Variants in LRRC49 observed in about 807,000 individuals in gnomAD.
LRRC49 encodes the protein leucine rich repeat containing 49.
Under a neutral mutation model 83.3 loss-of-function variants are expected in LRRC49, and 50 were observed. The ratio of observed to expected loss-of-function variants is 0.60; its 90% CI spans 0.48 to 0.76. The LOEUF (loss-of-function observed/expected upper bound fraction) is 0.76, where lower values mean the gene tolerates loss of function less well. Ranked by LOEUF, LRRC49 falls within the 30% of genes least tolerant of loss-of-function variation. LRRC49 has a pLI of 0.00. For synonymous variants in LRRC49, 286 were observed against 283.3 expected, an observed-to-expected ratio of 1.01 and a Z score of -0.10; for missense variants, 704 against 809.1, an observed-to-expected ratio of 0.87 and a Z score of 1.58.
chr15:70,917,076 A>T (rs956118306), intron 6 of LRRC49, among the ~76,000 whole-genome samples: 2 of 152,222 alleles, frequency 1.3e-5, no homozygotes, highest in African/African-American at 4.8e-5. Context: ...TGCTTGGGGC[A>T]GTGCTTACAC....
At chr15:70,934,800 C>T (rs2035540949) in intron 7 of LRRC49, among the ~76,000 whole-genome samples, 1 of 152,202 alleles carries the variant, frequency 6.6e-6, no homozygotes, top group South Asian at 2.1e-4. Flanking sequence ...GCTGCTACCT[C>T]TCAGTTTCTC....
intron 9 of LRRC49, among the ~76,000 whole-genome samples, chr15:70,968,656 CTT>C (rs2036881216): frequency 6.6e-6 from 1 of 152,152 alleles, no homozygotes; most frequent in Non-Finnish European, 1.5e-5. Flanking sequence ...TGTTTCCTGA[CTT>C]TTGAATGATC....
chr15:70,937,508 C>T (rs1317746168), intron 8 of LRRC49, among the ~76,000 whole-genome samples: 3 of 151,994 alleles, frequency 2.0e-5, no homozygotes, highest in Non-Finnish European at 2.9e-5. Flanking sequence ...TTTTTAATGC[C>T]CTCAGTTCTT....
intron 9 of LRRC49, among the ~76,000 whole-genome samples, chr15:70,967,557 G>C (rs2036836684): frequency 6.6e-6 from 1 of 152,042 alleles, no homozygotes; most frequent in Non-Finnish European, 1.5e-5. Flanking sequence ...AGTTTGTAAA[G>C]ATTAGCATAA....
chr15:71,020,669 T>G (rs542613311), intron 14 of LRRC49, among the ~76,000 whole-genome samples: 1 of 152,324 alleles, frequency 6.6e-6, no homozygotes, highest in African/African-American at 2.4e-5. Context: ...GAATGATATG[T>G]TCAATGTACT....
At chr15:70,967,698 C>G (rs1291788076) in intron 9 of LRRC49, among the ~76,000 whole-genome samples, 1 of 151,978 alleles carries the variant, frequency 6.6e-6, no homozygotes, top group Non-Finnish European at 1.5e-5. Context: ...GGCTTTGGGG[C>G]CTGCATATTG....
intron 1 of LRRC49, among the ~76,000 whole-genome samples, chr15:70,871,568 G>T (rs975374454): frequency 6.7e-6 from 1 of 150,028 alleles, no homozygotes; most frequent in Non-Finnish European, 1.5e-5. Flanking sequence ...GGCGCGGCTG[G>T]CCGGGCGGGG....
intron 7 of LRRC49, among the ~76,000 whole-genome samples, chr15:70,935,857 A>G (rs1230816449): frequency 6.6e-6 from 1 of 152,030 alleles, no homozygotes; most frequent in African/African-American, 2.4e-5. Context: ...CCACCTTCCC[A>G]CCACACCCTT....
intron 11 of LRRC49, among the ~76,000 whole-genome samples, chr15:71,007,115 C>T (rs1186137122): frequency 1.3e-5 from 2 of 151,924 alleles, no homozygotes; most frequent in Admixed American, 6.6e-5. Flanking sequence ...AGACTGATGT[C>T]ATTATTCATC....
intron 7 of LRRC49, among the ~76,000 whole-genome samples, chr15:70,919,908 A>T (rs2034944694): frequency 6.6e-6 from 1 of 152,198 alleles, no homozygotes; most frequent in Admixed American, 6.5e-5. Context: ...GAACTCTGAG[A>T]TGAACTTTGT....
intron 1 of LRRC49, among the ~76,000 whole-genome samples, chr15:70,868,650 C>T (rs974707907): frequency 3.7e-4 from 57 of 152,350 alleles, no homozygotes; most frequent in African/African-American, 1.3e-3. Context: ...ACCACGTTCC[C>T]GGGTGATGCT....
intron 11 of LRRC49, among the ~76,000 whole-genome samples, chr15:70,994,314 T>C (rs750247018): frequency 3.9e-5 from 6 of 152,204 alleles, no homozygotes; most frequent in Non-Finnish European, 8.8e-5. Flanking sequence ...ATTTCTGGAC[T>C]ATCCATTTCA....
At chr15:70,868,262 T>C (rs545807615) in intron 1 of LRRC49, among the ~76,000 whole-genome samples, 1 of 152,332 alleles carries the variant, frequency 6.6e-6, no homozygotes, top group African/African-American at 2.4e-5. Flanking sequence ...CTAAATGATA[T>C]AGAGAAATTT....
At chr15:70,962,698 A>G (rs1311952845) in intron 8 of LRRC49, among the ~76,000 whole-genome samples, 1 of 152,204 alleles carries the variant, frequency 6.6e-6, no homozygotes, top group African/African-American at 2.4e-5. Context: ...AGCTGGAACA[A>G]TTTGAACAAC....
chr15:71,025,595 G>T (rs756070955), intron 14 of LRRC49, among the ~76,000 whole-genome samples: 4 of 151,974 alleles, frequency 2.6e-5, no homozygotes, highest in Non-Finnish European at 4.4e-5. Context: ...AGACCCATCG[G>T]TGTGCTGTAT....
intron 7 of LRRC49, 150 bp from the exon 8 acceptor site, chr15:70,936,611 G>GA: frequency 1.7e-6 from 1 of 596,188 alleles, no homozygotes; most frequent in Non-Finnish European, 3.0e-6. Flanking sequence ...TGCAGTGGAG[G>GA]AGAGTGGAGC....
upstream of LRRC49, among the ~76,000 whole-genome samples, chr15:70,888,729 G>C (rs2033474476): frequency 6.6e-6 from 1 of 152,060 alleles, no homozygotes; most frequent in African/African-American, 2.4e-5. Flanking sequence ...AGGACTTCCA[G>C]GTAGAATCTA....
intron 14 of LRRC49, among the ~76,000 whole-genome samples, chr15:71,019,237 C>T (rs575084985): frequency 3.2e-4 from 49 of 152,158 alleles, no homozygotes; most frequent in Non-Finnish European, 6.5e-4. Context: ...GGTCCCACCC[C>T]TCTAATTATG....
chr15:71,018,676 C>T (rs1395464517), intron 14 of LRRC49, among the ~76,000 whole-genome samples: 1 of 152,164 alleles, frequency 6.6e-6, no homozygotes, highest in Non-Finnish European at 1.5e-5. Context: ...GCTGGGTGCC[C>T]TCTAATTCAA....
Sources: allele counts gnomAD v4.1 joint callset (sites outside exome capture counted in the v4.1 genomes callset), GRCh38; gene constraint gnomAD v4.1.1; transcripts MANE v1.5; gene names NCBI Gene and HGNC (gene_info 2026-07-23, HGNC 2026-07-21).